The following GALNT18 variants were observed in gnomAD, a reference collection of about 807,000 sequenced individuals.
The protein encoded by GALNT18 is GalNAc-transferase 18.
Under a neutral mutation model 69.5 loss-of-function variants are expected in GALNT18, and 44 were observed. The observed-to-expected ratio is 0.63, with a 90% CI of 0.50 to 0.81. The LOEUF (loss-of-function observed/expected upper bound fraction) is 0.81, where lower values mean the gene tolerates loss of function less well. Ranked by LOEUF, GALNT18 falls within the 40% of genes least tolerant of loss-of-function variation. The pLI is 0.00. For missense variants in GALNT18, 715 were observed against 810.0 expected (o/e 0.88, Z 1.42); for synonymous variants, 364 against 318.2 (o/e 1.14, Z -1.53).
chr11:11,378,153 T>C (rs958309059), intron 4 of GALNT18, among the ~76,000 whole-genome samples: 10 of 152,228 alleles, frequency 6.6e-5, no homozygotes, highest in Admixed American at 2.0e-4. Flanking sequence ...CTATAAAAAA[T>C]GGCTGTGTTG....
At chr11:11,501,482 G>C (rs2133899578) in intron 1 of GALNT18, among the ~76,000 whole-genome samples, 1 of 152,284 alleles carries the variant, frequency 6.6e-6, no homozygotes, top group South Asian at 2.1e-4. Flanking sequence ...GATTCATTGA[G>C]TTTCTGAAGC....
At chr11:11,520,712 C>T (rs866254893) in intron 1 of GALNT18, among the ~76,000 whole-genome samples, 11 of 152,126 alleles carry the variant, frequency 7.2e-5, no homozygotes, top group East Asian at 1.9e-4. Flanking sequence ...GTGCTGACCA[C>T]GATGGGAGGG....
chr11:11,453,955 C>T (rs1333344086), intron 1 of GALNT18, among the ~76,000 whole-genome samples: 1 of 152,224 alleles, frequency 6.6e-6, no homozygotes, highest in Non-Finnish European at 1.5e-5. Context: ...GAACGTGGCT[C>T]TGTGAGGTCA....
At position 11,413,569 on chromosome 11, in the gene GALNT18, G is replaced by C. The variant is rs1243677222; in HGVS notation, c.595+19052C>G. Among the ~76,000 whole-genome samples the C allele has an allele frequency of 2.0e-5, 3 of 152,156 alleles. No individual in the cohort carries two copies. Among genetic ancestry groups the C allele is most frequent in the African/African-American group, 7.2e-5 (3 of 41,430 alleles). The stretch of plus-strand genomic sequence containing the variant: ...ACCGTACCACTAGCCCAGAACAATT[G>C]AAGTAACTCACTGAGGTGTCAGCTT... On this transcript the variant is annotated intron_variant, in intron 3 of 10. Transcript: ENST00000227756. This position sits in a 1 kb window ranked among gnomAD's most constrained non-coding sequence, Gnocchi z 4.7.
rs1020627755 is a variant in GALNT18, at chr11:11,523,809, T to C, written c.236-74873A>G. Among the ~76,000 whole-genome samples, 1 of 151,844 alleles carries C rather than the reference T, an allele frequency of 6.6e-6. No homozygotes were observed. Among genetic ancestry groups the C allele is most frequent in the African/African-American group, 2.4e-5 (1 of 41,344 alleles). On this transcript the variant is annotated intron_variant, in intron 1 of 10. Transcript: ENST00000227756. This position sits in a 1 kb window ranked among gnomAD's most constrained non-coding sequence, Gnocchi z 4.3. ...GCAACAGCAACAGCACTGGCTAACA[T>C]GGGTCAGAAGTGAATTAATTAAAGG...
chr11:11,533,766 C>T (rs1289220354), intron 1 of GALNT18, among the ~76,000 whole-genome samples: 2 of 152,224 alleles, frequency 1.3e-5, no homozygotes, highest in Non-Finnish European at 2.9e-5. Flanking sequence ...TGCCCTGGTG[C>T]ATGTCTGTGT....
At chr11:11,597,418 G>A (rs1859525431) in intron 1 of GALNT18, among the ~76,000 whole-genome samples, 2 of 152,002 alleles carry the variant, frequency 1.3e-5, no homozygotes, top group Non-Finnish European at 2.9e-5. Flanking sequence ...ATTTGGACCT[G>A]GACTTTTCTT....
chr11:11,426,978 C>T (rs1015978529), intron 3 of GALNT18, among the ~76,000 whole-genome samples: 21 of 152,162 alleles, frequency 1.4e-4, no homozygotes, highest in African/African-American at 5.1e-4. Flanking sequence ...CGGGGTCTTG[C>T]TATGTTGTAC....
At chr11:11,441,388 T>A (rs1388796984) in intron 2 of GALNT18, among the ~76,000 whole-genome samples, 7 of 152,176 alleles carry the variant, frequency 4.6e-5, no homozygotes, top group Non-Finnish European at 1.0e-4. Flanking sequence ...GAACACATTG[T>A]CCATAGACCT....
intron 7 of GALNT18, among the ~76,000 whole-genome samples, chr11:11,336,635 A>G (rs73419711): frequency 0.049 from 7,455 of 152,260 alleles, 322 homozygotes; most frequent in African/African-American, 0.11. Context: ...GCAGCTGAGG[A>G]AAAGGGATTG....
chr11:11,395,616 A>G (rs1854308260), intron 3 of GALNT18, among the ~76,000 whole-genome samples: 1 of 152,226 alleles, frequency 6.6e-6, no homozygotes, highest in Admixed American at 6.5e-5. Flanking sequence ...TGGCCACTGC[A>G]CTTGAAGGGG....
chr11:11,271,538 C>A (rs950451092), intron 10 of GALNT18, among the ~76,000 whole-genome samples: 1 of 150,928 alleles, frequency 6.6e-6, no homozygotes, highest in African/African-American at 2.4e-5. Context: ...CCTCCCCACC[C>A]CTAGGTAGTT....
intron 1 of GALNT18, among the ~76,000 whole-genome samples, chr11:11,457,381 G>T (rs1855947288): frequency 6.6e-6 from 1 of 152,218 alleles, no homozygotes; most frequent in South Asian, 2.1e-4. Context: ...GAAATTCTGA[G>T]GTGCTGGTGG....
chr11:11,507,759 A>G (rs530799644), intron 1 of GALNT18, among the ~76,000 whole-genome samples: 3 of 152,292 alleles, frequency 2.0e-5, no homozygotes, highest in African/African-American at 7.2e-5. Context: ...GGAGATTAAC[A>G]TTTGAGTCAG....
chr11:11,561,915 T>C (rs1367076274), intron 1 of GALNT18, among the ~76,000 whole-genome samples: 1 of 152,210 alleles, frequency 6.6e-6, no homozygotes, highest in Non-Finnish European at 1.5e-5. Flanking sequence ...AGAACAGGTA[T>C]TATTACCTCT....
intron 1 of GALNT18, among the ~76,000 whole-genome samples, chr11:11,503,814 A>C (rs977454160): frequency 4.6e-5 from 7 of 152,110 alleles, no homozygotes; most frequent in African/African-American, 1.4e-4. Flanking sequence ...CACCAAATAC[A>C]TGTGTACAAT....
chr11:11,552,483 C>G (rs4077215), intron 1 of GALNT18, among the ~76,000 whole-genome samples: 1 of 152,100 alleles, frequency 6.6e-6, no homozygotes, highest in South Asian at 2.1e-4. Flanking sequence ...GTTGTGACAA[C>G]TGGCTATTGA....
chr11:11,305,995 T>C (rs1324723574), intron 9 of GALNT18, among the ~76,000 whole-genome samples: 1 of 152,220 alleles, frequency 6.6e-6, no homozygotes, highest in East Asian at 1.9e-4. Flanking sequence ...TGGCCAGTTT[T>C]GGACCTTGGA....
At chr11:11,349,886 T>G (rs1431156066) in intron 6 of GALNT18, among the ~76,000 whole-genome samples, 1 of 152,242 alleles carries the variant, frequency 6.6e-6, no homozygotes, top group Non-Finnish European at 1.5e-5. Flanking sequence ...CAAGCCCTCT[T>G]CTTGCAATCA....
Sources: gnomAD v4.1 joint callset for allele counts (sites outside exome capture counted in the v4.1 genomes callset) on GRCh38, gnomAD v4.1.1 for gene constraint, Gnocchi (gnomAD v3.1) non-coding constraint, MANE v1.5 for transcripts, NCBI Gene and HGNC (gene_info 2026-07-23, HGNC 2026-07-21) for gene names.